Variants in DOCK4 observed in about 807,000 individuals in gnomAD.
DOCK4 encodes dedicator of cytokinesis protein 4.
DOCK4 carries 97 observed loss-of-function variants against 268.1 expected under a neutral mutation model. That is an observed-to-expected ratio of 0.36 (90% CI 0.31 to 0.43). DOCK4 has a LOEUF of 0.43. Among genes scored for constraint, DOCK4 ranks in the 20% least tolerant of loss-of-function variants. The pLI, the probability that DOCK4 is intolerant of heterozygous loss-of-function variation, is 1.00. For missense variants in DOCK4, 2,145 were observed against 2,455.7 expected, an observed-to-expected ratio of 0.87 and a Z score of 2.67; for synonymous variants, 954 against 887.2, an observed-to-expected ratio of 1.08 and a Z score of -1.34.
At chr7:112,074,916 T>C (rs1807926362) in intron 1 of DOCK4, among the ~76,000 whole-genome samples, 1 of 152,218 alleles carries the variant, frequency 6.6e-6, no homozygotes, top group East Asian at 1.9e-4. Context: ...TCTAAGTTTC[T>C]ATGTTCAAAT....
rs1794763816 is a variant in DOCK4, at chr7:111,728,032, CTATT to C, written c.*238_*241del. 2.5e-6 allele frequency: 1 copy of C among 394,028 alleles called. No homozygotes were observed. The allele number at this position is 394,028 out of a possible 1,614,324, so 24.4% of individuals were successfully genotyped here. ...AAAGGTACAAAAGGAGTCTTTATCA[CTATT>C]TACCACTTCCAAATGAGAAACGTTT... On this transcript the variant is annotated 3_prime_UTR_variant, in exon 53 of 53. Transcript: ENST00000428084.
chr7:111,844,440 G>T (rs775516186), intron 25 of DOCK4, among the ~76,000 whole-genome samples: 10 of 152,128 alleles, frequency 6.6e-5, no homozygotes, highest in Non-Finnish European at 1.3e-4. Context: ...GTTTCCTCAA[G>T]CAATTTGATG....
At chr7:112,094,868 A>T (rs762929166) in intron 1 of DOCK4, among the ~76,000 whole-genome samples, 4 of 152,070 alleles carry the variant, frequency 2.6e-5, no homozygotes, top group Non-Finnish European at 4.4e-5. Context: ...TCCTGCTTTC[A>T]CCATGCGATG....
At chr7:112,176,800 C>T (rs945270220) in intron 1 of DOCK4, among the ~76,000 whole-genome samples, 1 of 152,158 alleles carries the variant, frequency 6.6e-6, no homozygotes, top group African/African-American at 2.4e-5. Flanking sequence ...GTTGAAATTG[C>T]ACATAATATA....
At chr7:111,784,803 C>T (rs1021119798) in intron 32 of DOCK4, among the ~76,000 whole-genome samples, 1 of 152,152 alleles carries the variant, frequency 6.6e-6, no homozygotes, top group Non-Finnish European at 1.5e-5. Context: ...AAAGCAAGAA[C>T]ATTAAGCATG....
At chr7:111,878,659 T>G (rs752199592) in intron 16 of DOCK4, among the ~76,000 whole-genome samples, 1 of 151,994 alleles carries the variant, frequency 6.6e-6, no homozygotes, top group African/African-American at 2.4e-5. Flanking sequence ...TGTGCAAGTT[T>G]GTAGGATAAT....
intron 1 of DOCK4, among the ~76,000 whole-genome samples, chr7:112,186,964 A>T (rs567055162): frequency 6.6e-5 from 10 of 152,278 alleles, no homozygotes; most frequent in African/African-American, 1.9e-4. Context: ...AGAATAAACC[A>T]CTAATTAAAC....
chr7:112,011,358 C>G (rs771128994), intron 1 of DOCK4, among the ~76,000 whole-genome samples: 24 of 152,198 alleles, frequency 1.6e-4, no homozygotes, highest in Non-Finnish European at 3.1e-4. Context: ...TACAAGCTTT[C>G]AAGCACTCCC....
intron 23 of DOCK4, among the ~76,000 whole-genome samples, chr7:111,862,135 C>A (rs970788640): frequency 2.0e-5 from 3 of 151,848 alleles, no homozygotes; most frequent in Admixed American, 6.6e-5. Flanking sequence ...CCTGCCTCTA[C>A]TAAAAATACA....
At position 111,855,063 on chromosome 7, in the gene DOCK4, T is replaced by A. The variant is rs142509473; in HGVS notation, c.2474-7937A>T. Among the ~76,000 whole-genome samples the A allele has an allele frequency of 2.1e-3, 323 of 152,048 alleles. 4 individuals carry two copies. The highest frequency in any genetic ancestry group is 7.4e-3 in the African/African-American group (308 of 41,476). On this transcript the variant is annotated intron_variant, in intron 23 of 52. Transcript: ENST00000428084. ...TCTGTTGGGCAGGAGCTGAAGAAAG[T>A]GGATTCCAAACAGAGAAAAGTAGCA...
At chr7:112,082,415 T>C (rs1313728374) in intron 1 of DOCK4, among the ~76,000 whole-genome samples, 1 of 152,106 alleles carries the variant, frequency 6.6e-6, no homozygotes, top group Non-Finnish European at 1.5e-5. Flanking sequence ...GAAGAATGGC[T>C]AGAAATAGCG....
At chr7:112,084,541 C>A (rs151274370) in intron 1 of DOCK4, among the ~76,000 whole-genome samples, 1 of 152,156 alleles carries the variant, frequency 6.6e-6, no homozygotes, top group East Asian at 1.9e-4. Context: ...TCTACCAGAC[C>A]CTCAGTTAAT....
chr7:111,969,660 A>T (rs1586530172), intron 8 of DOCK4, among the ~76,000 whole-genome samples: 1 of 138,060 alleles, frequency 7.2e-6, no homozygotes, highest in East Asian at 2.1e-4. Context: ...TGTGAAATAA[A>T]AACCATTAGT....
intron 8 of DOCK4, among the ~76,000 whole-genome samples, chr7:111,962,841 C>A (rs1456312537): frequency 6.6e-6 from 1 of 152,130 alleles, no homozygotes; most frequent in Non-Finnish European, 1.5e-5. Flanking sequence ...TACAAGCAGA[C>A]AGGAAACCTC....
chr7:111,741,516 A>C (rs1032504925), intron 46 of DOCK4, 24 bp downstream of exon 46: 6 of 1,609,438 alleles, frequency 3.7e-6, no homozygotes, highest in Admixed American at 1.7e-5. Context: ...GCCAAATTGT[A>C]AGATAATTTG....
chr7:111,784,326 C>T (rs1203774926), intron 32 of DOCK4: 2 of 709,050 alleles, frequency 2.8e-6, no homozygotes, highest in South Asian at 3.0e-5. Context: ...AACAGGAGTG[C>T]CTCCAAGTTT....
chr7:112,168,522 C>T (rs985495115), intron 1 of DOCK4, among the ~76,000 whole-genome samples: 4 of 152,128 alleles, frequency 2.6e-5, no homozygotes, highest in Admixed American at 6.5e-5. Flanking sequence ...GCCTGAGCAA[C>T]ATAGGGAGAC....
intron 8 of DOCK4, among the ~76,000 whole-genome samples, chr7:111,958,318 T>A (rs1487079833): frequency 6.6e-6 from 1 of 152,220 alleles, no homozygotes; most frequent in African/African-American, 2.4e-5. Flanking sequence ...TTGTTAATGT[T>A]GAACCATCTT....
chr7:112,131,793 A>G (rs915450597), intron 1 of DOCK4, among the ~76,000 whole-genome samples: 5 of 152,196 alleles, frequency 3.3e-5, no homozygotes, highest in Non-Finnish European at 1.5e-5. Flanking sequence ...AATGACACAA[A>G]AAAGGAGGAA....
Sources: allele counts gnomAD v4.1 joint callset (sites outside exome capture counted in the v4.1 genomes callset), GRCh38; gene constraint gnomAD v4.1.1; transcripts MANE v1.5; gene names NCBI Gene and HGNC (gene_info 2026-07-23, HGNC 2026-07-21).